The following SGCZ variants were observed in gnomAD, a reference collection of about 807,000 sequenced individuals.
The protein encoded by SGCZ is zeta-sarcoglycan.
SGCZ carries 40 observed loss-of-function variants against 41.3 expected under a neutral mutation model. That is an observed-to-expected ratio of 0.97 (90% CI 0.75 to 1.26). The LOEUF (loss-of-function observed/expected upper bound fraction) is 1.26. SGCZ is among the 50% of genes most tolerant of loss of function. The pLI, the probability that SGCZ is intolerant of heterozygous loss-of-function variation, is 0.00. For missense variants in SGCZ, 552 were observed against 369.8 expected (o/e 1.49, Z -4.04); for synonymous variants, 206 against 137.5 (o/e 1.50, Z -3.49).
rs554221008 is a variant in SGCZ, at chr8:14,318,236, G to A, written c.336+5867C>T. Among the ~76,000 whole-genome samples the A allele has an allele frequency of 1.3e-4, 19 of 151,800 alleles. No homozygotes were observed. The East Asian group carries it at 3.7e-3, about 29-fold the overall frequency. On this transcript the variant is annotated intron_variant, in intron 3 of 7. Transcript: ENST00000382080. ...GAAGAGAAAAGGAGAGGAACAGGAG[G>A]AAGAGGGAGAAGGGCAAGAAAAGGA...
At chr8:14,429,548 C>T (rs1799884329) in intron 2 of SGCZ, among the ~76,000 whole-genome samples, 1 of 152,106 alleles carries the variant, frequency 6.6e-6, no homozygotes, top group African/African-American at 2.4e-5. Context: ...AGAGTAGCCC[C>T]CAAAGAAATG....
At chr8:15,118,873 T>C (rs910274359) in intron 1 of SGCZ, among the ~76,000 whole-genome samples, 3 of 152,192 alleles carry the variant, frequency 2.0e-5, no homozygotes, top group African/African-American at 7.2e-5. Context: ...TGCTATGGTA[T>C]TGGCTTTTTA....
At chr8:15,190,811 G>T (rs1352828391) in intron 1 of SGCZ, among the ~76,000 whole-genome samples, 2 of 151,948 alleles carry the variant, frequency 1.3e-5, no homozygotes, top group Non-Finnish European at 2.9e-5. Flanking sequence ...ACTATAACAC[G>T]ATAAATAGTG....
At chr8:15,178,329 T>A (rs1280936255) in intron 1 of SGCZ, among the ~76,000 whole-genome samples, 2 of 152,200 alleles carry the variant, frequency 1.3e-5, no homozygotes, top group Non-Finnish European at 2.9e-5. Flanking sequence ...CATTTTACAA[T>A]GTCTAAAAGA....
chr8:15,059,491 G>A (rs1438590618), intron 1 of SGCZ, among the ~76,000 whole-genome samples: 1 of 152,112 alleles, frequency 6.6e-6, no homozygotes, highest in African/African-American at 2.4e-5. Flanking sequence ...TAAAAGGGAA[G>A]CAATTAAAAA....
rs1343170646 is a variant in SGCZ at position 14,866,815 on chromosome 8, A to G, written c.40-311889T>C. Among the ~76,000 whole-genome samples the G allele has an allele frequency of 4.6e-5, 7 of 152,112 alleles. No individual in the cohort carries two copies. The East Asian group carries it at 1.4e-3, about 29-fold the overall frequency. On this transcript the variant is annotated intron_variant, in intron 1 of 7. Transcript: ENST00000382080. ...TCTCAAAAAGAAACTAAAAGAAAAA[A>G]AAGGTTTGGAGTTTGTTTGTCTCAA... is the stretch of plus-strand genomic sequence containing the variant.
intron 2 of SGCZ, among the ~76,000 whole-genome samples, chr8:14,542,524 A>C (rs13281019): frequency 0.15 from 22,920 of 152,082 alleles, 1,833 homozygotes; most frequent in South Asian, 0.21. Context: ...CCTTAAAAGC[A>C]TAAAGGAGAT....
At chr8:15,100,534 T>C (rs992135918) in intron 1 of SGCZ, among the ~76,000 whole-genome samples, 55 of 152,334 alleles carry the variant, frequency 3.6e-4, no homozygotes, top group African/African-American at 1.3e-3. Context: ...CCCAACTTTA[T>C]CTGTAGATTC....
intron 2 of SGCZ, among the ~76,000 whole-genome samples, chr8:14,406,283 G>T (rs1015192411): frequency 6.6e-6 from 1 of 152,036 alleles, no homozygotes. Flanking sequence ...CAGTCAATCT[G>T]AATTGAATCC....
chr8:14,865,106 G>A (rs184829863), intron 1 of SGCZ, among the ~76,000 whole-genome samples: 2 of 152,000 alleles, frequency 1.3e-5, no homozygotes, highest in East Asian at 1.9e-4. Flanking sequence ...TATAAAAAAT[G>A]TGCAATAGTT....
chr8:14,507,227 A>G (rs1374435218), intron 2 of SGCZ, among the ~76,000 whole-genome samples: 1 of 150,666 alleles, frequency 6.6e-6, no homozygotes, highest in Non-Finnish European at 1.5e-5. Flanking sequence ...GTATGTAGCC[A>G]TTCGCACCAG....
chr8:14,164,514 G>C, intron 5 of SGCZ, 66 bp downstream of exon 5: 1 of 1,580,164 alleles, frequency 6.3e-7, no homozygotes, highest in Non-Finnish European at 8.6e-7. Flanking sequence ...TTATTAAGAA[G>C]CTCCTTGTGC....
intron 1 of SGCZ, among the ~76,000 whole-genome samples, chr8:14,996,233 C>A (rs145335628): frequency 6.6e-6 from 1 of 152,162 alleles, no homozygotes; most frequent in Non-Finnish European, 1.5e-5. Context: ...ATGGTCATTA[C>A]TGAGAAATAC....
intron 4 of SGCZ, among the ~76,000 whole-genome samples, chr8:14,170,904 T>C (rs527312095): frequency 6.6e-6 from 1 of 152,160 alleles, no homozygotes; most frequent in Admixed American, 6.5e-5. Flanking sequence ...TGAAAGGAGA[T>C]TGTGATTAAC....
rs770544017 is a variant in SGCZ, at chr8:14,902,044, T to A, written c.39+335541A>T. Among the ~76,000 whole-genome samples, 68 of 152,176 alleles carry A rather than the reference T, an allele frequency of 4.5e-4. 1 individual carries two copies. Among genetic ancestry groups the A allele is most frequent in the Non-Finnish European group, 1.8e-4 (12 of 68,042 alleles). On this transcript the variant is annotated intron_variant, in intron 1 of 7. Coordinates refer to ENST00000382080, the MANE Select transcript of SGCZ (RefSeq NM_139167.4). ...TTTAATATGCAAATTATTATACATT[T>A]TAGTGGACACTTTATTTCAAACTAT...
At chr8:15,043,444 A>T (rs942162097) in intron 1 of SGCZ, among the ~76,000 whole-genome samples, 1 of 152,148 alleles carries the variant, frequency 6.6e-6, no homozygotes, top group East Asian at 1.9e-4. Context: ...CACATTAAAC[A>T]TAATAGAGTG....
rs553054316 is a variant in SGCZ, at chr8:14,396,928, G to T, written c.235-72724C>A. On this transcript the variant is annotated intron_variant, in intron 2 of 7. Transcript: ENST00000382080. ...GCAGGGAGCTTAGGTTTTAACCAAT[G>T]GAAATGTGCTGAATTGCTTTAAGAA... 2.8e-4 allele frequency among the ~76,000 whole-genome samples: 43 copies of T among 152,154 alleles called. 1 individual carries two copies. The highest frequency in any genetic ancestry group is 1.0e-3 in the African/African-American group (42 of 41,544).
intron 3 of SGCZ, among the ~76,000 whole-genome samples, chr8:14,262,872 A>T (rs1799722618): frequency 6.6e-6 from 1 of 151,708 alleles, no homozygotes; most frequent in South Asian, 2.1e-4. Flanking sequence ...GCAAAATGTG[A>T]GAAGTATAAA....
At chr8:15,097,289 T>C (rs1454176481) in intron 1 of SGCZ, among the ~76,000 whole-genome samples, 1 of 152,176 alleles carries the variant, frequency 6.6e-6, no homozygotes, top group Non-Finnish European at 1.5e-5. Flanking sequence ...TAATCTTATA[T>C]ATTTACTCTA....
Sources: gnomAD v4.1 joint callset for allele counts (sites outside exome capture counted in the v4.1 genomes callset) on GRCh38, gnomAD v4.1.1 for gene constraint, MANE v1.5 for transcripts, NCBI Gene and HGNC (gene_info 2026-07-23, HGNC 2026-07-21) for gene names.